The following CEP112 variants were observed in gnomAD, a reference collection of about 807,000 sequenced individuals.
CEP112 encodes the protein centrosomal protein of 112 kDa.
In CEP112, 127 loss-of-function variants were observed where a neutral mutation model predicts 153.0. The ratio of observed to expected loss-of-function variants is 0.83; its 90% CI spans 0.72 to 0.96. The LOEUF is 0.96. Among genes scored for constraint, CEP112 ranks in the 40% least tolerant of loss-of-function variants. The pLI is 0.00. For missense variants in CEP112, 1,089 were observed against 1,101.2 expected, an observed-to-expected ratio of 0.99 and a Z score of 0.16; for synonymous variants, 358 against 374.4, an observed-to-expected ratio of 0.96 and a Z score of 0.51.
intron 6 of CEP112, among the ~76,000 whole-genome samples, chr17:66,098,752 G>A (rs2068446225): frequency 6.6e-6 from 1 of 152,156 alleles, no homozygotes; most frequent in South Asian, 2.1e-4. Context: ...CATACAGATT[G>A]ATAAAGAGAC....
In CEP112 at chr17:65,647,173, G is replaced by GTTTTTT. The variant is rs771331024; in HGVS notation, c.2698-6114_2698-6109dup. 1.0e-4 allele frequency among the ~76,000 whole-genome samples: 13 copies of GTTTTTT among 126,600 alleles called. 1 individual carries two copies. Among genetic ancestry groups the GTTTTTT allele is most frequent in the African/African-American group, 1.5e-4 (5 of 33,680 alleles). The allele number at this position is 126,600 out of a possible 152,430, so 83.1% of individuals were successfully genotyped here. On this transcript the variant is annotated intron_variant, in intron 24 of 26. Coordinates refer to ENST00000535342, the MANE Select transcript of CEP112 (RefSeq NM_001199165.4). ...TTCCTATATATCACTCTTGATTCTT[G>GTTTTTT]TTTTTTTTTTTTTTTTTGAGACAGA...
At chr17:65,805,505 A>G (rs574370251) in intron 21 of CEP112, among the ~76,000 whole-genome samples, 19 of 152,222 alleles carry the variant, frequency 1.2e-4, no homozygotes, top group Non-Finnish European at 2.6e-4. Context: ...AAACATTCTC[A>G]ATGATGACTC....
At chr17:65,922,737 AC>A (rs1219824366) in intron 19 of CEP112, among the ~76,000 whole-genome samples, 17 of 152,234 alleles carry the variant, frequency 1.1e-4, no homozygotes, top group Admixed American at 7.8e-4. Flanking sequence ...TCCTCAGTTT[AC>A]TTAGAGGAAC....
intron 20 of CEP112, among the ~76,000 whole-genome samples, chr17:65,894,672 C>T (rs989808959): frequency 2.6e-5 from 4 of 152,064 alleles, no homozygotes; most frequent in African/African-American, 9.7e-5. Context: ...AATTCCTACG[C>T]TGTTTTTATC....
chr17:66,052,239 A>C (rs1373846200), intron 12 of CEP112, among the ~76,000 whole-genome samples: 1 of 152,208 alleles, frequency 6.6e-6, no homozygotes, highest in Non-Finnish European at 1.5e-5. Flanking sequence ...TAAATTGAGG[A>C]GCATCTGGTA....
At chr17:66,181,810 T>C (rs1262239069) in intron 2 of CEP112, among the ~76,000 whole-genome samples, 3 of 152,122 alleles carry the variant, frequency 2.0e-5, no homozygotes, top group African/African-American at 7.2e-5. Flanking sequence ...AATATAAAAA[T>C]ATCATTAGAT....
chr17:66,169,803 T>C (rs1287179747), intron 4 of CEP112, among the ~76,000 whole-genome samples: 1 of 152,246 alleles, frequency 6.6e-6, no homozygotes, highest in Non-Finnish European at 1.5e-5. Context: ...AGTCATCTAT[T>C]GCTTTATAAC....
At chr17:65,677,921 GATAA>G (rs912196210) in intron 24 of CEP112, among the ~76,000 whole-genome samples, 2 of 151,846 alleles carry the variant, frequency 1.3e-5, no homozygotes, top group African/African-American at 4.8e-5. Context: ...CTCCAAAAAA[GATAA>G]ATAAATAAAT....
At chr17:65,954,143 G>A (rs1664446271) in intron 18 of CEP112, among the ~76,000 whole-genome samples, 3 of 152,150 alleles carry the variant, frequency 2.0e-5, no homozygotes, top group Admixed American at 1.3e-4. Context: ...TGGTATCCAT[G>A]GCTACAAGAC....
At chr17:66,177,922 C>T (rs1446261203) in intron 2 of CEP112, among the ~76,000 whole-genome samples, 6 of 152,162 alleles carry the variant, frequency 3.9e-5, no homozygotes, top group Non-Finnish European at 7.4e-5. Context: ...AATAGTACTC[C>T]ATTGTGTACA....
At chr17:66,087,019 T>C (rs2067966178) in intron 8 of CEP112, among the ~76,000 whole-genome samples, 1 of 152,208 alleles carries the variant, frequency 6.6e-6, no homozygotes, top group Non-Finnish European at 1.5e-5. Flanking sequence ...CAGAAATGAC[T>C]GTAATTGCAC....
chr17:65,671,381 T>C (rs762347351), intron 24 of CEP112, among the ~76,000 whole-genome samples: 4 of 152,318 alleles, frequency 2.6e-5, no homozygotes, highest in African/African-American at 9.6e-5. Flanking sequence ...GAGCCCATGA[T>C]GAGTGTAAGA....
At chr17:65,995,779 G>A (rs1175054678) in intron 17 of CEP112, among the ~76,000 whole-genome samples, 1 of 152,148 alleles carries the variant, frequency 6.6e-6, no homozygotes, top group Non-Finnish European at 1.5e-5. Flanking sequence ...TGTTGTAGGA[G>A]GGGCCCAGTG....
intron 21 of CEP112, among the ~76,000 whole-genome samples, chr17:65,810,786 C>A: frequency 6.6e-6 from 1 of 151,272 alleles, no homozygotes; most frequent in South Asian, 2.1e-4. Context: ...GGAGAAAAAC[C>A]CTTGAATAAG....
intron 20 of CEP112, among the ~76,000 whole-genome samples, chr17:65,868,110 T>C (rs1478384228): frequency 6.6e-6 from 1 of 152,148 alleles, no homozygotes; most frequent in Non-Finnish European, 1.5e-5. Context: ...GTTCGTTATG[T>C]CAAAGTTATG....
chr17:66,152,847 T>C (rs944575294), intron 4 of CEP112, among the ~76,000 whole-genome samples: 1 of 152,120 alleles, frequency 6.6e-6, no homozygotes, highest in Non-Finnish European at 1.5e-5. Context: ...CCATTGTATG[T>C]TGGGTGTGTT....
At chr17:65,954,115 T>C (rs1303264802) in intron 18 of CEP112, among the ~76,000 whole-genome samples, 1 of 152,118 alleles carries the variant, frequency 6.6e-6, no homozygotes, top group South Asian at 2.1e-4. Flanking sequence ...CCCCTGCTAT[T>C]TCCACCAGAG....
intron 21 of CEP112, among the ~76,000 whole-genome samples, chr17:65,834,156 G>C (rs1051553577): frequency 3.3e-5 from 5 of 152,094 alleles, no homozygotes; most frequent in African/African-American, 1.2e-4. Flanking sequence ...GTATGCATAA[G>C]ACTGAAGCTG....
At chr17:66,087,791 C>T (rs183309828) in intron 8 of CEP112, among the ~76,000 whole-genome samples, 64 of 152,248 alleles carry the variant, frequency 4.2e-4, no homozygotes, top group African/African-American at 1.5e-3. Flanking sequence ...ACCCCTCCCC[C>T]AACTCCAGAC....
Sources: gnomAD v4.1 joint callset for allele counts (sites outside exome capture counted in the v4.1 genomes callset) on GRCh38, gnomAD v4.1.1 for gene constraint, MANE v1.5 for transcripts, NCBI Gene and HGNC (gene_info 2026-07-23, HGNC 2026-07-21) for gene names.